The following PROZ variants were observed in gnomAD, a reference collection of about 807,000 sequenced individuals.
The protein encoded by PROZ is protein Z, vitamin K dependent plasma glycoprotein.
In PROZ, 46 loss-of-function variants were observed where a neutral mutation model predicts 34.9. That is an observed-to-expected ratio of 1.32 (90% CI 1.04 to 1.69). The LOEUF (loss-of-function observed/expected upper bound fraction) is 1.69. Among genes scored for constraint, PROZ ranks in the 40% most tolerant of loss-of-function variants. The pLI is 0.00. For synonymous variants in PROZ, 195 were observed against 208.5 expected (o/e 0.94, Z 0.56); for missense variants, 530 against 520.4 (o/e 1.02, Z -0.18).
intron 2 of PROZ, 81 bp downstream of exon 2, chr13:113,160,258 T>G: frequency 2.7e-6 from 4 of 1,504,148 alleles, no homozygotes; most frequent in Non-Finnish European, 3.7e-6. Flanking sequence ...TCTCAGAGAT[T>G]AAGCTTAATT....
intron 4 of PROZ, among the ~76,000 whole-genome samples, chr13:113,163,383 C>A (rs1266474601): frequency 6.6e-6 from 1 of 152,136 alleles, no homozygotes; most frequent in Non-Finnish European, 1.5e-5. Flanking sequence ...CTCTCCTCCC[C>A]CCACCACCTC....
At chr13:113,163,156 C>A in intron 4 of PROZ, 34 bp downstream of exon 4, 1 of 1,487,844 alleles carries the variant, frequency 6.7e-7, no homozygotes, top group Non-Finnish European at 9.2e-7. Flanking sequence ...CCCCAAGGGC[C>A]TCCCTGGGCA....
Position 113,170,531 on chromosome 13 carries a change from G to T in PROZ, c.691+1G>T, listed in dbSNP as rs776543970. The T allele has an allele frequency of 2.0e-6, 3 of 1,521,964 alleles. No homozygotes were observed. Among genetic ancestry groups the T allele is most frequent in the South Asian group, 2.2e-5 (2 of 89,104 alleles). 94.3% of individuals were successfully genotyped at this position (1,521,964 alleles called of 1,614,324 possible). A position where few individuals can be genotyped will look rare whatever the true frequency, so the allele number is the denominator to read the frequency against. On this transcript the variant is annotated splice_donor_variant, in intron 7 of 7. Transcript: ENST00000375547. LOFTEE classifies it high-confidence loss of function. ...CACAGGAATATTACTGTAAAAACAT[G>T]TAAGTATTTTATCATGAGTTTTTAT...
chr13:113,170,603 A>C (rs1399922769), intron 7 of PROZ, 73 bp downstream of exon 7: 1 of 952,458 alleles, frequency 1.0e-6, no homozygotes, highest in Admixed American at 1.7e-5. Context: ...TGAAATGACA[A>C]ATTTAAAACT....
intron 6 of PROZ, among the ~76,000 whole-genome samples, chr13:113,169,118 T>C (rs750416615): frequency 1.3e-5 from 2 of 152,134 alleles, no homozygotes; most frequent in Non-Finnish European, 2.9e-5. Context: ...TGAAATCCCA[T>C]AGCTCAGAGA....
At chr13:113,164,142 G>C (rs905825246) in intron 4 of PROZ, among the ~76,000 whole-genome samples, 4 of 151,886 alleles carry the variant, frequency 2.6e-5, no homozygotes, top group African/African-American at 9.7e-5. Flanking sequence ...ACCACGCCTG[G>C]CTAATTTTTG....
At position 113,163,088 on chromosome 13, in the gene PROZ, C is replaced by A. The variant is rs375692624; in HGVS notation, c.339C>A (p.Cys113Ter). ...QDSIWGYTCTCSPGYEGSNCE... is the reference protein window; with the variant it reads ...QDSIWGYTCT Reference sequence around the variant, plus strand: ...GCATCTGGGGCTACACCTGCACCTGCTCCCCCGGCTATGAGGGCAGCAACT... The same window carrying A: ...GCATCTGGGGCTACACCTGCACCTGATCCCCCGGCTATGAGGGCAGCAACT... The change falls in exon 4 of 8, where the codon TGC (cysteine) becomes TGA (stop). Residue 113 changes from cysteine (C) to a stop codon, truncating the protein, a stop_gained. Transcript: ENST00000375547. LOFTEE classifies it high-confidence loss of function. 1.5e-5 allele frequency: 24 copies of A among 1,557,534 alleles called. No individual in the cohort carries two copies. The African/African-American group carries it at 2.7e-4, about 18-fold the overall frequency.
rs190609737 is a variant in PROZ, at chr13:113,159,874, G to C, written c.71-140G>C. 132 of 955,956 alleles carry C rather than the reference G, an allele frequency of 1.4e-4. No individual in the cohort carries two copies. Among genetic ancestry groups the C allele is most frequent in the Non-Finnish European group, 2.1e-4 (122 of 592,550 alleles). The allele number at this position is 955,956 out of a possible 1,614,324, so 59.2% of individuals were successfully genotyped here. A position where few individuals can be genotyped will look rare whatever the true frequency, so the allele number is the denominator to read the frequency against. On this transcript the variant is annotated intron_variant, in intron 1 of 7. Transcript: ENST00000375547. The surrounding 1 kb of genome is among the most constrained non-coding windows in gnomAD (Gnocchi z 4.6). ...CCTCGGGGGAGGGAGTAGCGGGGTGGCCCTGAGGCCCTCGCAGGCTGAGAG... is the reference window on the plus strand; with the variant it reads ...CCTCGGGGGAGGGAGTAGCGGGGTGCCCCTGAGGCCCTCGCAGGCTGAGAG...
rs1595129530 is a variant in PROZ at position 113,171,182 on chromosome 13, C to T, written c.692-412C>T. Reference sequence around the variant, plus strand: ...AAGTGATCGACCTGCCTCGGCCTCCCGAAGCGCTGGGATTACAGATGTGAG... The same window carrying T: ...AAGTGATCGACCTGCCTCGGCCTCCTGAAGCGCTGGGATTACAGATGTGAG... On this transcript the variant is annotated intron_variant, in intron 7 of 7. Transcript: ENST00000375547. The surrounding 1 kb of genome is among the most constrained non-coding windows in gnomAD (Gnocchi z 5.1). 6.6e-6 allele frequency among the ~76,000 whole-genome samples: 1 copy of T among 152,296 alleles called. No individual in the cohort carries two copies. The highest frequency in any genetic ancestry group is 1.9e-4 in the East Asian group (1 of 5,184).
chr13:113,159,571 T>C lies in PROZ; in HGVS notation c.71-443T>C, dbSNP rs1355166769. On this transcript the variant is annotated intron_variant, in intron 1 of 7. Transcript: ENST00000375547. The surrounding 1 kb of genome is among the most constrained non-coding windows in gnomAD (Gnocchi z 4.6). ...TTCTCCTCCTGGAAATCGCAGAGCC[T>C]GCTGCAATGTATAAGTTTCTTCTTT... Among the ~76,000 whole-genome samples, 1 of 152,228 alleles carries C rather than the reference T, an allele frequency of 6.6e-6. No individual in the cohort carries two copies. The highest frequency in any genetic ancestry group is 1.5e-5 in the Non-Finnish European group (1 of 68,032).
intron 6 of PROZ, among the ~76,000 whole-genome samples, chr13:113,169,422 G>C (rs1225573641): frequency 6.6e-6 from 1 of 152,116 alleles, no homozygotes; most frequent in Non-Finnish European, 1.5e-5. Context: ...ACTCAGTTTT[G>C]GGATATTTTT....
In PROZ at chr13:113,158,653, G is replaced by T; in HGVS notation, c.-8G>T. On this transcript the variant is annotated 5_prime_UTR_variant, in exon 1 of 8. Coordinates refer to ENST00000375547, the MANE Select transcript of PROZ (RefSeq NM_003891.3). This position sits in a 1 kb window ranked among gnomAD's most constrained non-coding sequence, Gnocchi z 4.3. ...GTTTGTAGCCCTGTCCCAGCGCTCC[G>T]GGTGGGAATGGCAGGCTGCGTCCCA... 6 of 1,600,232 alleles carry T rather than the reference G, an allele frequency of 3.7e-6. No individual in the cohort carries two copies. Among genetic ancestry groups the T allele is most frequent in the Non-Finnish European group, 5.1e-6 (6 of 1,174,306 alleles).
intron 3 of PROZ, among the ~76,000 whole-genome samples, chr13:113,161,258 C>G (rs2036754852): frequency 6.6e-6 from 1 of 152,248 alleles, no homozygotes; most frequent in Non-Finnish European, 1.5e-5. Context: ...GAGGGCCCCC[C>G]CAGAGCAGCT....
rs372461957 is a variant in PROZ at position 113,171,619 on chromosome 13, G to A, written c.717G>A (p.Pro239=). 7.6e-5 allele frequency: 123 copies of A among 1,614,030 alleles called. No individual in the cohort carries two copies. Among genetic ancestry groups the A allele is most frequent in the Non-Finnish European group, 9.9e-5 (117 of 1,180,042 alleles). Residue 239 remains proline (P), a synonymous_variant, in exon 8 of 8, where the codon CCG becomes CCA. Transcript: ENST00000375547. The surrounding 1 kb of genome is among the most constrained non-coding windows in gnomAD (Gnocchi z 5.1). Reference sequence around the variant, plus strand: ...ATTTTAACAGAACGAGCCAAGACCCGCTGATGATCAAGATAACGCACGTCC... The same window carrying A: ...ATTTTAACAGAACGAGCCAAGACCCACTGATGATCAAGATAACGCACGTCC... ...KTYFNRTSQD[P]LMIKITHVHV... is the part of the protein sequence containing the mutation.
intron 6 of PROZ, among the ~76,000 whole-genome samples, chr13:113,167,474 A>C (rs1040317375): frequency 1.3e-5 from 2 of 152,220 alleles, no homozygotes; most frequent in African/African-American, 2.4e-5. Context: ...CTATGTGGGC[A>C]CATGCTTTAT....
At position 113,171,406 on chromosome 13, in the gene PROZ, A is replaced by G. The variant is rs979682867; in HGVS notation, c.692-188A>G. Among the ~76,000 whole-genome samples the G allele has an allele frequency of 6.6e-6, 1 of 152,138 alleles. No homozygotes were observed. The highest frequency in any genetic ancestry group is 1.5e-5 in the Non-Finnish European group (1 of 68,024). On this transcript the variant is annotated intron_variant, in intron 7 of 7. Transcript: ENST00000375547. This position sits in a 1 kb window ranked among gnomAD's most constrained non-coding sequence, Gnocchi z 5.1. Reference sequence around the variant, plus strand: ...TTAAAGGCTGTGGCACTTGGTTGCAATCGTGCAATCTGTGAGTGGCCTTTC... The same window carrying G: ...TTAAAGGCTGTGGCACTTGGTTGCAGTCGTGCAATCTGTGAGTGGCCTTTC...
rs1003300507 is a variant in PROZ at position 113,171,275 on chromosome 13, A to T, written c.692-319A>T. Among the ~76,000 whole-genome samples, 2 of 152,198 alleles carry T rather than the reference A, an allele frequency of 1.3e-5. No individual in the cohort carries two copies. Among genetic ancestry groups the T allele is most frequent in the Non-Finnish European group, 2.9e-5 (2 of 68,034 alleles). ...ACGTGAAAACCACTTCTCAACAGCC[A>T]ATGTTTGACTGGCCTGGAGACGTTC... is the stretch of plus-strand genomic sequence containing the variant. On this transcript the variant is annotated intron_variant, in intron 7 of 7. Transcript: ENST00000375547. This position sits in a 1 kb window ranked among gnomAD's most constrained non-coding sequence, Gnocchi z 5.1.
Position 113,164,400 on chromosome 13 carries a change from G to C in PROZ, c.374-113G>C, listed in dbSNP as rs541587227. On this transcript the variant is annotated intron_variant, in intron 4 of 7. Coordinates refer to ENST00000375547, the MANE Select transcript of PROZ (RefSeq NM_003891.3). ...CATGGACCAACACACCAGAACTCTT[G>C]TGTGCAAGGCTGTGATAAAATGAAC... 4.0e-6 allele frequency: 5 copies of C among 1,246,492 alleles called. No homozygotes were observed. In the East Asian group the frequency reaches 1.3e-4, roughly 31 times the overall value. 77.2% of individuals were successfully genotyped at this position (1,246,492 alleles called of 1,614,324 possible). A position where few individuals can be genotyped will look rare whatever the true frequency, so the allele number is the denominator to read the frequency against.
At chr13:113,161,827 CCG>C in intron 3 of PROZ, among the ~76,000 whole-genome samples, 4 of 118,662 alleles carry the variant, frequency 3.4e-5, no homozygotes, top group African/African-American at 1.2e-4. Context: ...GCTCAGGTCC[CCG>C]TCCCTGCCAC....
Sources: allele counts gnomAD v4.1 joint callset (sites outside exome capture counted in the v4.1 genomes callset), GRCh38; gene constraint gnomAD v4.1.1; non-coding constraint Gnocchi (gnomAD v3.1); transcripts MANE v1.5; gene names NCBI Gene and HGNC (gene_info 2026-07-23, HGNC 2026-07-21).